Variants in ADTRP observed in about 807,000 individuals in gnomAD.
ADTRP encodes the protein androgen dependent TFPI regulating protein.
In ADTRP, 20 loss-of-function variants were observed where a neutral mutation model predicts 27.0. The observed-to-expected ratio is 0.74, with a 90% CI of 0.52 to 1.08. The LOEUF (loss-of-function observed/expected upper bound fraction) is 1.08, where lower values mean the gene tolerates loss of function less well. Among genes scored for constraint, ADTRP ranks in the 50% least tolerant of loss-of-function variants. ADTRP has a pLI of 0.00. For synonymous variants in ADTRP, 101 were observed against 105.2 expected, an observed-to-expected ratio of 0.96 and a Z score of 0.25; for missense variants, 251 against 275.0, an observed-to-expected ratio of 0.91 and a Z score of 0.62.
At chr6:11,717,393 C>G in intron 5 of ADTRP, 1 of 1,304,286 alleles carries the variant, frequency 7.7e-7, no homozygotes, top group Non-Finnish European at 1.0e-6. Context: ...TAGCCTCCAT[C>G]TTTGCAAGAT....
chr6:11,757,072 T>A (rs979323612), intron 3 of ADTRP, among the ~76,000 whole-genome samples: 1 of 152,206 alleles, frequency 6.6e-6, no homozygotes, highest in African/African-American at 2.4e-5. Context: ...GCATTTTAAG[T>A]GTGTATCAGA....
chr6:11,754,345 C>T (rs2235407), intron 3 of ADTRP, among the ~76,000 whole-genome samples: 48,007 of 151,886 alleles, frequency 0.32, 9,117 homozygotes, highest in East Asian at 0.66. Flanking sequence ...GGTAGGCCAA[C>T]GATAGGTTGA....
chr6:11,773,451 T>G (rs1763851579), intron 1 of ADTRP, among the ~76,000 whole-genome samples: 2 of 152,334 alleles, frequency 1.3e-5, no homozygotes, highest in Middle Eastern at 3.4e-3. Flanking sequence ...AGCTGATCCC[T>G]TGAGGAGCTC....
chr6:11,776,869 C>T (rs1763971180), intron 1 of ADTRP, among the ~76,000 whole-genome samples: 1 of 152,178 alleles, frequency 6.6e-6, no homozygotes, highest in South Asian at 2.1e-4. Flanking sequence ...CTGTGGTTTC[C>T]TGAGCGGCAG....
chr6:11,767,169 C>T (rs879839191), intron 2 of ADTRP, among the ~76,000 whole-genome samples: 8 of 152,088 alleles, frequency 5.3e-5, no homozygotes, highest in Non-Finnish European at 2.9e-5. Context: ...TTCAGGAGTT[C>T]GAGATCAGCC....
intron 4 of ADTRP, among the ~76,000 whole-genome samples, chr6:11,723,755 G>GA (rs1762092880): frequency 6.6e-6 from 1 of 152,048 alleles, no homozygotes; most frequent in Non-Finnish European, 1.5e-5. Context: ...CAACATTGGT[G>GA]AAAAAATATA....
At chr6:11,736,656 T>C (rs1421998835) in intron 3 of ADTRP, 3 of 152,522 alleles carry the variant, frequency 2.0e-5, no homozygotes, top group Non-Finnish European at 4.4e-5. Flanking sequence ...TCAAATCCTC[T>C]ATGTTCTTTG....
At chr6:11,768,712 G>A (rs1349732723) in intron 1 of ADTRP, among the ~76,000 whole-genome samples, 1 of 152,170 alleles carries the variant, frequency 6.6e-6, no homozygotes, top group East Asian at 1.9e-4. Flanking sequence ...CACAGAGGTT[G>A]GAAGAACCAA....
chr6:11,743,738 T>C (rs1762785360), intron 3 of ADTRP, among the ~76,000 whole-genome samples: 2 of 152,204 alleles, frequency 1.3e-5, no homozygotes, highest in East Asian at 3.9e-4. Flanking sequence ...GTGACATTAA[T>C]GAACGAATCA....
chr6:11,727,233 G>T (rs549316805), intron 4 of ADTRP, among the ~76,000 whole-genome samples: 50 of 152,230 alleles, frequency 3.3e-4, no homozygotes, highest in African/African-American at 1.2e-3. Flanking sequence ...TGTTGGTCAG[G>T]ATGGTCTCAA....
chr6:11,733,277 C>T (rs1480735401), intron 4 of ADTRP, among the ~76,000 whole-genome samples: 2 of 152,244 alleles, frequency 1.3e-5, no homozygotes, highest in Non-Finnish European at 2.9e-5. Flanking sequence ...TTCTAATCAG[C>T]TTTCTTACAT....
At chr6:11,756,940 C>T (rs1036062953) in intron 3 of ADTRP, among the ~76,000 whole-genome samples, 4 of 152,266 alleles carry the variant, frequency 2.6e-5, no homozygotes, top group African/African-American at 9.6e-5. Context: ...GGAAGCAACA[C>T]AAGGGAAGAT....
intron 4 of ADTRP, among the ~76,000 whole-genome samples, chr6:11,733,850 C>T (rs1762461893): frequency 6.6e-6 from 1 of 152,176 alleles, no homozygotes; most frequent in Non-Finnish European, 1.5e-5. Context: ...CTCTACTACT[C>T]ATTTTTATAG....
intron 3 of ADTRP, among the ~76,000 whole-genome samples, chr6:11,742,836 T>C (rs940410871): frequency 2.6e-5 from 4 of 152,174 alleles, no homozygotes; most frequent in South Asian, 2.1e-4. Flanking sequence ...ACTCCAGAAG[T>C]ACCATTTTCC....
rs1761745676 is a variant in ADTRP at position 11,714,420 on chromosome 6, AG to A, written c.*57del. ...TCCCTCCACCAGAAAAAAAAAAAAAAGATGAGAAAAATCTCTTGTGTTTTCT... is the reference window on the plus strand; with the variant it reads ...TCCCTCCACCAGAAAAAAAAAAAAAAATGAGAAAAATCTCTTGTGTTTTCT... On this transcript the variant is annotated 3_prime_UTR_variant, in exon 6 of 6. Transcript: ENST00000414691. 6.3e-6 allele frequency: 10 copies of A among 1,584,452 alleles called. No homozygotes were observed. The highest frequency in any genetic ancestry group is 5.5e-5 in the African/African-American group (4 of 72,412).
At chr6:11,747,348 T>C (rs1305858049) in intron 3 of ADTRP, among the ~76,000 whole-genome samples, 1 of 152,230 alleles carries the variant, frequency 6.6e-6, no homozygotes, top group Non-Finnish European at 1.5e-5. Context: ...GAAATGATTG[T>C]GCACTTTTTG....
chr6:11,724,545 A>C (rs184185418), intron 4 of ADTRP, among the ~76,000 whole-genome samples: 3 of 152,244 alleles, frequency 2.0e-5, no homozygotes, highest in African/African-American at 7.2e-5. Context: ...AGTTTGCTGG[A>C]AACCAACTGC....
intron 2 of ADTRP, among the ~76,000 whole-genome samples, chr6:11,766,577 T>A (rs1283364422): frequency 2.0e-5 from 3 of 152,244 alleles, no homozygotes; most frequent in African/African-American, 7.2e-5. Context: ...CTATATCTGC[T>A]CTTTCTGGGG....
intron 3 of ADTRP, among the ~76,000 whole-genome samples, chr6:11,737,060 C>T (rs1762576172): frequency 6.6e-6 from 1 of 151,822 alleles, no homozygotes; most frequent in African/African-American, 2.4e-5. Context: ...TTTTCAGATG[C>T]AAAGACTGCT....
Sources: allele counts gnomAD v4.1 joint callset (sites outside exome capture counted in the v4.1 genomes callset), GRCh38; gene constraint gnomAD v4.1.1; transcripts MANE v1.5; gene names NCBI Gene and HGNC (gene_info 2026-07-23, HGNC 2026-07-21).